The following CHRM3 variants were observed in gnomAD, a reference collection of about 807,000 sequenced individuals.
CHRM3 encodes muscarinic acetylcholine receptor M3.
Under a neutral mutation model 41.8 loss-of-function variants are expected in CHRM3, and 11 were observed. The observed-to-expected ratio is 0.26, with a 90% confidence interval of 0.17 to 0.44. The LOEUF (loss-of-function observed/expected upper bound fraction) is 0.44. Among genes scored for constraint, CHRM3 ranks in the 20% least tolerant of loss-of-function variants. The pLI, the probability that CHRM3 is intolerant of heterozygous loss-of-function variation, is 1.00. For synonymous variants in CHRM3, 297 were observed against 301.4 expected (o/e 0.99, Z 0.15); for missense variants, 571 against 745.4 (o/e 0.77, Z 2.72).
chr1:239,468,387 A>G (rs1665882775), intron 1 of CHRM3, among the ~76,000 whole-genome samples: 1 of 152,210 alleles, frequency 6.6e-6, no homozygotes, highest in Non-Finnish European at 1.5e-5. Flanking sequence ...TATGTTTTCT[A>G]TGAGTAATGA....
chr1:239,697,608 C>T (rs996231026), intron 5 of CHRM3, among the ~76,000 whole-genome samples: 3 of 151,986 alleles, frequency 2.0e-5, no homozygotes, highest in Admixed American at 6.6e-5. Flanking sequence ...CCCTAAGAAC[C>T]GACATCCAGC....
chr1:239,739,548 C>T (rs1015464348), intron 5 of CHRM3, among the ~76,000 whole-genome samples: 2 of 152,084 alleles, frequency 1.3e-5, no homozygotes, highest in African/African-American at 4.8e-5. Flanking sequence ...ACTGAGGTTT[C>T]CCACCCACTC....
chr1:239,472,128 A>T (rs562776692), intron 1 of CHRM3, among the ~76,000 whole-genome samples: 1 of 152,266 alleles, frequency 6.6e-6, no homozygotes, highest in Non-Finnish European at 1.5e-5. Flanking sequence ...TTGCAAGCTT[A>T]TTAGCCTCAA....
intron 1 of CHRM3, among the ~76,000 whole-genome samples, chr1:239,413,835 G>T (rs1661294169): frequency 6.6e-6 from 1 of 151,234 alleles, no homozygotes. Flanking sequence ...GTGCACATAT[G>T]TGCACGTTTT....
chr1:239,430,494 T>C (rs1662748970), intron 1 of CHRM3, among the ~76,000 whole-genome samples: 1 of 152,134 alleles, frequency 6.6e-6, no homozygotes, highest in Non-Finnish European at 1.5e-5. Flanking sequence ...AGATGTTTTT[T>C]CATTCATTGG....
intron 6 of CHRM3, among the ~76,000 whole-genome samples, chr1:239,859,086 T>G (rs1026220885): frequency 2.0e-5 from 3 of 152,222 alleles, no homozygotes; most frequent in African/African-American, 7.2e-5. Flanking sequence ...ACATATGTTT[T>G]CATTTCTTCT....
At chr1:239,659,329 T>C (rs913664447) in intron 4 of CHRM3, among the ~76,000 whole-genome samples, 1 of 152,178 alleles carries the variant, frequency 6.6e-6, no homozygotes, top group Non-Finnish European at 1.5e-5. Context: ...GTCTCCCTCT[T>C]GTCTGGAGGA....
chr1:239,736,506 T>G (rs898653435), intron 5 of CHRM3, among the ~76,000 whole-genome samples: 1 of 152,178 alleles, frequency 6.6e-6, no homozygotes. Flanking sequence ...TTCACATGCA[T>G]TATACATAGG....
intron 5 of CHRM3, among the ~76,000 whole-genome samples, chr1:239,683,115 G>A (rs1221668930): frequency 6.6e-6 from 1 of 152,072 alleles, no homozygotes; most frequent in Non-Finnish European, 1.5e-5. Context: ...TGTACACGTT[G>A]ACCAACGTAT....
intron 3 of CHRM3, among the ~76,000 whole-genome samples, chr1:239,602,045 CA>C (rs1479331541): frequency 6.7e-6 from 1 of 148,860 alleles, no homozygotes; most frequent in African/African-American, 2.5e-5. Flanking sequence ...CATATATACA[CA>C]TATATATACA....
chr1:239,842,100 A>C (rs1673847241), intron 6 of CHRM3, among the ~76,000 whole-genome samples: 1 of 152,232 alleles, frequency 6.6e-6, no homozygotes. Flanking sequence ...TCATCATACA[A>C]CTTATAACAA....
intron 1 of CHRM3, among the ~76,000 whole-genome samples, chr1:239,430,056 C>T (rs1331850602): frequency 1.3e-5 from 2 of 151,618 alleles, no homozygotes; most frequent in East Asian, 3.9e-4. Context: ...CAACCTCCAC[C>T]TCCTGGGTTC....
intron 1 of CHRM3, among the ~76,000 whole-genome samples, chr1:239,463,824 T>G (rs1254789666): frequency 6.6e-6 from 1 of 152,206 alleles, no homozygotes; most frequent in Non-Finnish European, 1.5e-5. Flanking sequence ...TCATGCTCAT[T>G]GATTGTCCCT....
intron 3 of CHRM3, among the ~76,000 whole-genome samples, chr1:239,610,863 C>T (rs1666939247): frequency 6.6e-6 from 1 of 152,132 alleles, no homozygotes; most frequent in African/African-American, 2.4e-5. Flanking sequence ...GCCATCCTGG[C>T]CAACATGGTG....
At chr1:239,455,356 CT>C (rs548892634) in intron 1 of CHRM3, among the ~76,000 whole-genome samples, 4,112 of 145,412 alleles carry the variant, frequency 0.028, 157 homozygotes, top group African/African-American at 0.09. Context: ...CAGCCTTCTA[CT>C]TTTTTTTTTT....
At chr1:239,393,959 C>A (rs1659266063) in intron 1 of CHRM3, among the ~76,000 whole-genome samples, 1 of 152,126 alleles carries the variant, frequency 6.6e-6, no homozygotes, top group African/African-American at 2.4e-5. Flanking sequence ...TCTAATCCAC[C>A]TATGTTCATT....
At chr1:239,869,488 C>G (rs915283845) in intron 6 of CHRM3, among the ~76,000 whole-genome samples, 1 of 152,044 alleles carries the variant, frequency 6.6e-6, no homozygotes, top group Non-Finnish European at 1.5e-5. Context: ...CTACAGCTTC[C>G]CTGGTGGAGG....
chr1:239,443,446 GA>G (rs960101768), intron 1 of CHRM3, among the ~76,000 whole-genome samples: 4 of 150,690 alleles, frequency 2.7e-5, no homozygotes, highest in Admixed American at 6.6e-5. Flanking sequence ...ATCAAATCTA[GA>G]AAAAAAAACT....
chr1:239,443,792 T>C (rs1346262775), intron 1 of CHRM3, among the ~76,000 whole-genome samples: 1 of 152,208 alleles, frequency 6.6e-6, no homozygotes. Flanking sequence ...ATATTTTAAC[T>C]CCTTGAAGGG....
Sources: gnomAD v4.1 joint callset for allele counts (sites outside exome capture counted in the v4.1 genomes callset) on GRCh38, gnomAD v4.1.1 for gene constraint, MANE v1.5 for transcripts, NCBI Gene and HGNC (gene_info 2026-07-23, HGNC 2026-07-21) for gene names.